CNTNAP2: variants seen among roughly 807,000 people sequenced by gnomAD.
CNTNAP2 encodes the protein contactin-associated protein-like 2.
Under a neutral mutation model 155.2 loss-of-function variants are expected in CNTNAP2, and 98 were observed. The ratio of observed to expected loss-of-function variants is 0.63; its 90% confidence interval spans 0.54 to 0.75. CNTNAP2 has a LOEUF of 0.75. CNTNAP2 is among the 30% of genes least tolerant of loss of function. CNTNAP2 has a pLI of 0.00. For synonymous variants in CNTNAP2, 651 were observed against 631.2 expected, an observed-to-expected ratio of 1.03 and a Z score of -0.47; for missense variants, 1,727 against 1,688.1, an observed-to-expected ratio of 1.02 and a Z score of -0.40.
chr7:146,648,275 C>T (rs1049399261), intron 1 of CNTNAP2, among the ~76,000 whole-genome samples: 1 of 152,002 alleles, frequency 6.6e-6, no homozygotes, highest in Non-Finnish European at 1.5e-5. Context: ...TTCTATTTTC[C>T]AAGCATATAG....
At chr7:147,451,271 G>C (rs533781483) in intron 10 of CNTNAP2, among the ~76,000 whole-genome samples, 4 of 152,134 alleles carry the variant, frequency 2.6e-5, no homozygotes, top group African/African-American at 7.2e-5. Context: ...ACAGCCCTTC[G>C]GGGATATGTT....
intron 16 of CNTNAP2, among the ~76,000 whole-genome samples, chr7:148,119,074 C>T (rs1342041047): frequency 6.6e-6 from 1 of 152,150 alleles, no homozygotes; most frequent in Admixed American, 6.5e-5. Context: ...GACTTCCAGG[C>T]CAGTTGATTA....
chr7:147,691,448 ACATG>A (rs1796086396), intron 13 of CNTNAP2, among the ~76,000 whole-genome samples: 1 of 152,152 alleles, frequency 6.6e-6, no homozygotes, highest in Admixed American at 6.6e-5. Flanking sequence ...GAGAGATAAT[ACATG>A]TTATTTGAAA....
intron 3 of CNTNAP2, among the ~76,000 whole-genome samples, chr7:146,856,558 A>ATAG (rs1449198584): frequency 3.3e-5 from 5 of 152,172 alleles, no homozygotes; most frequent in Non-Finnish European, 7.3e-5. Flanking sequence ...GTAAATTTGT[A>ATAG]TAGTCTTAAA....
At chr7:146,647,868 A>T (rs1254593529) in intron 1 of CNTNAP2, among the ~76,000 whole-genome samples, 1 of 152,208 alleles carries the variant, frequency 6.6e-6, no homozygotes, top group East Asian at 1.9e-4. Context: ...GTTCCCGTGT[A>T]TAAAGAACAT....
Position 147,108,286 on chromosome 7 carries a change from A to G in CNTNAP2, c.690A>G (p.Gly230=). 2 of 1,613,806 alleles carry G rather than the reference A, an allele frequency of 1.2e-6. No individual in the cohort carries two copies. The highest frequency in any genetic ancestry group is 1.7e-6 in the Non-Finnish European group (2 of 1,179,806). Residue 230 remains glycine, a synonymous_variant, in exon 5 of 24, where the codon GGA becomes GGG. Transcript: ENST00000361727. The stretch of plus-strand genomic sequence containing the variant: ...AAGGAGTAATCCTGCACGGAGAAGG[A>G]CAGCAAGGAGATTACATTACCTTGG... ...ESEGVILHGE[G]QQGDYITLEL... is the part of the protein sequence containing the mutation.
chr7:147,099,298 G>A (rs577871488), intron 4 of CNTNAP2, among the ~76,000 whole-genome samples: 12 of 152,258 alleles, frequency 7.9e-5, no homozygotes, highest in African/African-American at 2.4e-4. Flanking sequence ...TTTGGAAAGT[G>A]TGCTTACCAT....
At chr7:147,398,581 G>T (rs1796859832) in intron 10 of CNTNAP2, among the ~76,000 whole-genome samples, 1 of 112,090 alleles carries the variant, frequency 8.9e-6, no homozygotes, top group Non-Finnish European at 1.8e-5. Context: ...AATACCCTAC[G>T]ATTTGAACTT....
chr7:147,644,833 C>T (rs1032509168), intron 13 of CNTNAP2, among the ~76,000 whole-genome samples: 1 of 152,142 alleles, frequency 6.6e-6, no homozygotes, highest in Admixed American at 6.5e-5. Context: ...ATTTATTTTA[C>T]AAATCATATT....
At chr7:146,297,832 G>A (rs1020053097) in intron 1 of CNTNAP2, among the ~76,000 whole-genome samples, 3 of 152,060 alleles carry the variant, frequency 2.0e-5, no homozygotes, top group Non-Finnish European at 4.4e-5. Flanking sequence ...TGTTTTCCAT[G>A]TTGAATGCTA....
intron 1 of CNTNAP2, among the ~76,000 whole-genome samples, chr7:146,665,963 C>T (rs1464022148): frequency 6.6e-6 from 1 of 151,834 alleles, no homozygotes; most frequent in Non-Finnish European, 1.5e-5. Flanking sequence ...GCATACCCAT[C>T]ATCTCAAACC....
intron 1 of CNTNAP2, among the ~76,000 whole-genome samples, chr7:146,590,312 A>G: frequency 1.3e-5 from 2 of 152,232 alleles, no homozygotes; most frequent in South Asian, 2.1e-4. Context: ...CTCTAATATG[A>G]TACATATTAT....
rs1359916753 is a variant in CNTNAP2 at position 146,685,333 on chromosome 7, G to A, written c.98-88938G>A. The stretch of plus-strand genomic sequence containing the variant: ...CCTATAGATAGATGATTTTATGATT[G>A]CCAGGGTGTTTGAGATGACACACAA... On this transcript the variant is annotated intron_variant, in intron 1 of 23. Transcript: ENST00000361727. 3.9e-5 allele frequency among the ~76,000 whole-genome samples: 6 copies of A among 152,184 alleles called. No homozygotes were observed. The East Asian group carries it at 1.2e-3, about 29-fold the overall frequency.
chr7:146,161,468 C>G (rs895084123), intron 1 of CNTNAP2, among the ~76,000 whole-genome samples: 2 of 152,080 alleles, frequency 1.3e-5, no homozygotes, highest in African/African-American at 4.8e-5. Context: ...ATGTTAAGGA[C>G]CTATTCAAGG....
chr7:146,297,902 C>T (rs572338384), intron 1 of CNTNAP2, among the ~76,000 whole-genome samples: 1 of 151,852 alleles, frequency 6.6e-6, no homozygotes, highest in African/African-American at 2.4e-5. Context: ...CACAGACACA[C>T]ACGTAAATAA....
chr7:147,405,892 G>A (rs928412118), intron 10 of CNTNAP2, among the ~76,000 whole-genome samples: 26 of 152,062 alleles, frequency 1.7e-4, no homozygotes, highest in Admixed American at 4.6e-4. Flanking sequence ...TAAAAAGGCC[G>A]GTGGATTGAA....
intron 13 of CNTNAP2, among the ~76,000 whole-genome samples, chr7:147,700,250 T>C (rs1796216279): frequency 2.6e-5 from 4 of 152,158 alleles, no homozygotes. Flanking sequence ...TAATTTACCA[T>C]GGATTAAAAT....
chr7:146,457,101 G>A (rs1387367277), intron 1 of CNTNAP2, among the ~76,000 whole-genome samples: 2 of 152,012 alleles, frequency 1.3e-5, no homozygotes, highest in Non-Finnish European at 2.9e-5. Flanking sequence ...AAGCACTATG[G>A]AATCAAGCCT....
intron 1 of CNTNAP2, among the ~76,000 whole-genome samples, chr7:146,157,982 C>T (rs1798155120): frequency 6.6e-6 from 1 of 152,196 alleles, no homozygotes; most frequent in African/African-American, 2.4e-5. Context: ...GGAGACACCT[C>T]CCAGTAGGGG....
Sources: gnomAD v4.1 joint callset for allele counts (sites outside exome capture counted in the v4.1 genomes callset) on GRCh38, gnomAD v4.1.1 for gene constraint, MANE v1.5 for transcripts, NCBI Gene and HGNC (gene_info 2026-07-23, HGNC 2026-07-21) for gene names.